The following PSG2 variants were observed in gnomAD, a reference collection of about 807,000 sequenced individuals.
The protein encoded by PSG2 is pregnancy specific beta-1-glycoprotein 2.
PSG2 carries 49 observed loss-of-function variants against 36.2 expected under a neutral mutation model. That is an observed-to-expected ratio of 1.35 (90% CI 1.08 to 1.72). PSG2 has a LOEUF of 1.72. PSG2 is among the 40% of genes most tolerant of loss of function. PSG2 has a pLI of 0.00. For synonymous variants in PSG2, 261 were observed against 155.6 expected (o/e 1.68, Z -5.04); for missense variants, 605 against 407.2 (o/e 1.49, Z -4.18).
intron 2 of PSG2, among the ~76,000 whole-genome samples, chr19:43,076,582 C>A (rs1967899034): frequency 6.6e-6 from 1 of 151,640 alleles, no homozygotes; most frequent in South Asian, 2.1e-4. Context: ...ATATTCTACT[C>A]TGTTTCTGAG....
intron 4 of PSG2, among the ~76,000 whole-genome samples, chr19:43,067,246 A>G (rs899749277): frequency 1.2e-4 from 18 of 151,360 alleles, no homozygotes; most frequent in South Asian, 8.3e-4. Context: ...GGGTTCTCCC[A>G]TACTACCTTC....
chr19:43,073,652 G>A (rs1274267759), intron 3 of PSG2, among the ~76,000 whole-genome samples: 1 of 151,658 alleles, frequency 6.6e-6, no homozygotes, highest in Non-Finnish European at 1.5e-5. Context: ...TATGAGAAGA[G>A]ACTGCTGGTT....
chr19:43,076,871 T>A lies in PSG2; in HGVS notation c.431-1239A>T, dbSNP rs867092869. On this transcript the variant is annotated intron_variant, in intron 2 of 5. Coordinates refer to ENST00000406487, the MANE Select transcript of PSG2 (RefSeq NM_031246.4). ...TTGCCGTATATGTACTGGTTTAGCATCCCAAATCTGAAAAATTTAAAATCC... is the reference window on the plus strand; with the variant it reads ...TTGCCGTATATGTACTGGTTTAGCAACCCAAATCTGAAAAATTTAAAATCC... 1.3e-3 allele frequency among the ~76,000 whole-genome samples: 199 copies of A among 151,716 alleles called. 3 individuals are homozygous for A. The highest frequency in any genetic ancestry group is 4.8e-3 in the African/African-American group (197 of 41,114).
At chr19:43,081,294 G>C (rs777425638) in intron 1 of PSG2, 48 bp from the exon 2 acceptor site, 3 of 1,573,150 alleles carry the variant, frequency 1.9e-6, no homozygotes, top group Admixed American at 1.8e-5. Flanking sequence ...TATGTATTGG[G>C]GTGAAAAGAT....
rs146247259 is a variant in PSG2, at chr19:43,081,055, C to T, written c.256G>A (p.Gly86Ser). Residue 86 changes from glycine (G) to serine (S), a missense_variant, in exon 2 of 6, where the codon GGT becomes AGT. By Grantham distance (56) the Gly-to-Ser change is moderately conservative. Coordinates refer to ENST00000406487, the MANE Select transcript of PSG2 (RefSeq NM_031246.4). ...YHYITSYVVD[G>S]QIIIYGPAYS... ...GCAGGCCCATATATAATTATTTGAC[C>T]GTCTACTACATATGATGTAATGTAA... 2.2e-4 allele frequency: 348 copies of T among 1,612,746 alleles called. 12 individuals carry two copies. In the African/African-American group the frequency reaches 3.8e-3, roughly 18 times the overall value.
At position 43,075,639 on chromosome 19, in the gene PSG2, A is replaced by G. The variant is rs1417162465; in HGVS notation, c.431-7T>C. The G allele has an allele frequency of 2.5e-6, 4 of 1,609,004 alleles. No individual in the cohort carries two copies. The highest frequency in any genetic ancestry group is 2.2e-5 in the East Asian group (1 of 44,852). On this transcript the variant is annotated splice_polypyrimidine_tract_variant and splice_region_variant and intron_variant, in intron 2 of 5. Coordinates refer to ENST00000406487, the MANE Select transcript of PSG2 (RefSeq NM_031246.4). ...GAGGGCTTGGGAGTCTCCACTGTGC[A>G]GAAAACAGAGAGAAGATTGCCCTGT...
At chr19:43,080,805 G>A (rs1568516807) in intron 2 of PSG2, 76 bp downstream of exon 2, 6 of 1,611,220 alleles carry the variant, frequency 3.7e-6, no homozygotes, top group South Asian at 3.3e-5. Flanking sequence ...CACAGTCTAG[G>A]CCTGACAATC....
intron 2 of PSG2, among the ~76,000 whole-genome samples, chr19:43,080,448 C>G (rs1276503027): frequency 6.6e-6 from 1 of 151,670 alleles, no homozygotes; most frequent in Non-Finnish European, 1.5e-5. Context: ...GGCACAGGCT[C>G]CTAAGCTTTA....
intron 3 of PSG2, among the ~76,000 whole-genome samples, chr19:43,073,817 G>T (rs1469067894): frequency 6.6e-6 from 1 of 151,674 alleles, no homozygotes. Flanking sequence ...AAGACAAAAA[G>T]TGTTTCGGAT....
chr19:43,072,959 T>C (rs943103042), intron 3 of PSG2, among the ~76,000 whole-genome samples: 3 of 151,564 alleles, frequency 2.0e-5, no homozygotes, highest in Admixed American at 2.0e-4. Flanking sequence ...TCACCTTGGG[T>C]TCCTTACCTG....
intron 3 of PSG2, chr19:43,072,629 G>A (rs764219040): frequency 8.7e-6 from 14 of 1,611,230 alleles, no homozygotes; most frequent in East Asian, 2.2e-5. Flanking sequence ...GGGCAGCTTC[G>A]CTGTGTGGAT....
chr19:43,069,413 G>A (rs1177550067), intron 4 of PSG2, among the ~76,000 whole-genome samples: 4 of 151,700 alleles, frequency 2.6e-5, no homozygotes, highest in Non-Finnish European at 5.9e-5. Context: ...AGAGCTTTGA[G>A]GAGGAAGAAT....
In PSG2 at chr19:43,082,562, G is replaced by A. The variant is rs748107642; in HGVS notation, c.8C>T (p.Pro3Leu). The A allele has an allele frequency of 1.5e-5, 24 of 1,611,854 alleles. 3 individuals are homozygous for A. The highest frequency in any genetic ancestry group is 1.1e-4 in the South Asian group (10 of 91,016). Residue 3 changes from proline to leucine, a missense_variant, in exon 1 of 6, where the codon CCC (proline) becomes CTC (leucine). Physicochemically the swap from Pro to Leu is moderately conservative, Grantham distance 98. Coordinates refer to ENST00000406487, the MANE Select transcript of PSG2 (RefSeq NM_031246.4). ...CTCTGTGCAGGGAGGGGCTGAGAGG[G>A]GCCCCATGGTCTCTGCTGCCTGTGT... is the stretch of plus-strand genomic sequence containing the variant. Reference protein sequence around the residue: MGPLSAPPCTEHI... With the variant: MGLLSAPPCTEHI...
At position 43,082,656 on chromosome 19, in the gene PSG2, T is replaced by C. The variant is rs1599713065; in HGVS notation, c.-87A>G. ...AGCACGGCTGTCAGCTGTGCTGTCC[T>C]TCCTCCTTCTGCACTGAGCCTCTTC... On this transcript the variant is annotated 5_prime_UTR_variant, in exon 1 of 6. Transcript: ENST00000406487. 1.9e-6 allele frequency: 3 copies of C among 1,560,892 alleles called. No homozygotes were observed. The East Asian group carries it at 6.8e-5, about 35-fold the overall frequency.
At position 43,066,461 on chromosome 19, in the gene PSG2, C is replaced by T. The variant is rs1967740283; in HGVS notation, c.*40+56G>A. The stretch of plus-strand genomic sequence containing the variant: ...ACAGGCAAATAAGTCTTTTCCCTCT[C>T]CCAAGCATGGCAGTCAGCTCTGCAG... On this transcript the variant is annotated intron_variant, in intron 5 of 5. Transcript: ENST00000406487. 2.3e-6 allele frequency: 3 copies of T among 1,304,680 alleles called. 1 individual carries two copies. Among genetic ancestry groups the T allele is most frequent in the Non-Finnish European group, 3.3e-6 (3 of 901,604 alleles). The allele number at this position is 1,304,680 out of a possible 1,614,324, so 80.8% of individuals were successfully genotyped here. A position where few individuals can be genotyped will look rare whatever the true frequency, so the allele number is the denominator to read the frequency against.
Position 43,071,920 on chromosome 19 carries a change from G to C in PSG2, c.744C>G (p.Tyr248Ter), listed in dbSNP as rs773625330. 1 of 1,612,706 alleles carries C rather than the reference G, an allele frequency of 6.2e-7. No homozygotes were observed. The highest frequency in any genetic ancestry group is 8.5e-7 in the Non-Finnish European group (1 of 1,179,322). Residue 248 changes from tyrosine to a stop codon, truncating the protein, a stop_gained, in exon 4 of 6, where the codon TAC (tyrosine) becomes TAG (stop). Coordinates refer to ENST00000406487, the MANE Select transcript of PSG2 (RefSeq NM_031246.4). LOFTEE classifies it high-confidence loss of function. ...GPDLPRIHPSYTNYRSGDNLY... is the reference protein window; with the variant it reads ...GPDLPRIHPS ...GGTTATCTCCTGAACGGTAATTGGT[G>C]TATGAAGGGTGAATTCTGGGGAGGT...
Position 43,081,261 on chromosome 19 carries a change from G to C in PSG2, c.65-15C>G, listed in dbSNP as rs768176074. ...TAAAAGTGATGCTAGGAGGTGGAGAGAGCATCAGACAATATTGAGACCTAT... is the reference window on the plus strand; with the variant it reads ...TAAAAGTGATGCTAGGAGGTGGAGACAGCATCAGACAATATTGAGACCTAT... On this transcript the variant is annotated splice_polypyrimidine_tract_variant and intron_variant, in intron 1 of 5. Coordinates refer to ENST00000406487, the MANE Select transcript of PSG2 (RefSeq NM_031246.4). 1 of 1,608,564 alleles carries C rather than the reference G, an allele frequency of 6.2e-7. No individual in the cohort carries two copies. The highest frequency in any genetic ancestry group is 1.7e-5 in the Admixed American group (1 of 59,644).
intron 5 of PSG2, among the ~76,000 whole-genome samples, chr19:43,064,876 G>C (rs368083401): frequency 6.6e-6 from 1 of 151,634 alleles, no homozygotes; most frequent in Non-Finnish European, 1.5e-5. Context: ...CTGTCACCCA[G>C]ACTGGAGTGC....
intron 4 of PSG2, among the ~76,000 whole-genome samples, chr19:43,071,123 C>G (rs1040892058): frequency 1.3e-5 from 2 of 151,388 alleles, no homozygotes; most frequent in Non-Finnish European, 2.9e-5. Context: ...CTCCATTTAG[C>G]GAAATTCAGG....
Sources: allele counts gnomAD v4.1 joint callset (sites outside exome capture counted in the v4.1 genomes callset), GRCh38; gene constraint gnomAD v4.1.1; transcripts MANE v1.5; gene names NCBI Gene and HGNC (gene_info 2026-07-23, HGNC 2026-07-21).